The following SAV1 variants were observed in gnomAD, a reference collection of about 807,000 sequenced individuals.
SAV1 encodes the protein salvador family WW domain containing protein 1.
In SAV1, 23 loss-of-function variants were observed where a neutral mutation model predicts 47.3. The ratio of observed to expected loss-of-function variants is 0.49; its 90% CI spans 0.35 to 0.69. The LOEUF (loss-of-function observed/expected upper bound fraction) is 0.69. SAV1 is among the 30% of genes least tolerant of loss of function. The pLI is 0.01. For synonymous variants in SAV1, 155 were observed against 159.2 expected, an observed-to-expected ratio of 0.97 and a Z score of 0.20; for missense variants, 448 against 457.4, an observed-to-expected ratio of 0.98 and a Z score of 0.19.
chr14:50,659,158 C>T (rs971097660), intron 2 of SAV1, among the ~76,000 whole-genome samples: 1 of 149,188 alleles, frequency 6.7e-6, no homozygotes, highest in African/African-American at 2.5e-5. Context: ...TTAAACCTAA[C>T]GCAATCTGAT....
At chr14:50,661,654 T>C (rs1458379263) in intron 2 of SAV1, among the ~76,000 whole-genome samples, 1 of 152,248 alleles carries the variant, frequency 6.6e-6, no homozygotes, top group African/African-American at 2.4e-5. Context: ...TGCATGTGGA[T>C]ATCCAATTTT....
chr14:50,657,964 T>C (rs1309997657), intron 2 of SAV1, among the ~76,000 whole-genome samples: 1 of 152,220 alleles, frequency 6.6e-6, no homozygotes, highest in Non-Finnish European at 1.5e-5. Context: ...TTGTAGTGGC[T>C]ACAGAGAATA....
chr14:50,642,137 T>C (rs920287886), intron 3 of SAV1, among the ~76,000 whole-genome samples: 2 of 152,030 alleles, frequency 1.3e-5, no homozygotes, highest in Non-Finnish European at 2.9e-5. Flanking sequence ...TGTTGATAGG[T>C]AGGAGCTAAA....
At chr14:50,665,661 G>A (rs200625353) in intron 1 of SAV1, 42 bp from the exon 2 acceptor site, 4 of 1,495,864 alleles carry the variant, frequency 2.7e-6, no homozygotes, top group East Asian at 2.3e-5. Flanking sequence ...TCATCATTAA[G>A]TAACAAAAGT....
chr14:50,650,576 T>C (rs1453446996), intron 2 of SAV1, among the ~76,000 whole-genome samples: 1 of 152,210 alleles, frequency 6.6e-6, no homozygotes, highest in East Asian at 1.9e-4. Context: ...TAAAAGACCG[T>C]GCAGCTTCTG....
chr14:50,638,844 T>C (rs532506175), intron 4 of SAV1, among the ~76,000 whole-genome samples: 4 of 152,076 alleles, frequency 2.6e-5, no homozygotes, highest in African/African-American at 9.6e-5. Context: ...CTTGGCTCAC[T>C]GCAACCTCCG....
chr14:50,637,729 A>C (rs1353228008), intron 4 of SAV1: 1 of 138,224 alleles, frequency 7.2e-6, no homozygotes, highest in Non-Finnish European at 1.5e-5. Flanking sequence ...GCTGAAGTGC[A>C]GTGGCTAATC....
intron 3 of SAV1, 87 bp downstream of exon 3, chr14:50,644,657 G>A: frequency 8.0e-7 from 1 of 1,251,660 alleles, no homozygotes; most frequent in Non-Finnish European, 1.1e-6. Flanking sequence ...GCTTTAGGAT[G>A]CTATTCTCTT....
intron 4 of SAV1, among the ~76,000 whole-genome samples, chr14:50,636,080 A>G (rs1018323326): frequency 6.6e-6 from 1 of 152,198 alleles, no homozygotes; most frequent in African/African-American, 2.4e-5. Flanking sequence ...AAGAATACCT[A>G]TTTCTTTAAA....
chr14:50,640,905 G>C lies in SAV1; in HGVS notation c.807-12C>G. 1 of 1,588,390 alleles carries C rather than the reference G, an allele frequency of 6.3e-7. No homozygotes were observed. The highest frequency in any genetic ancestry group is 8.6e-7 in the Non-Finnish European group (1 of 1,166,580). On this transcript the variant is annotated splice_polypyrimidine_tract_variant and intron_variant, in intron 3 of 4. Coordinates refer to ENST00000324679, the MANE Select transcript of SAV1 (RefSeq NM_021818.4). ...CATACCGAGGTACACTAAGAAGAAAGGAGTGACATTCTTTAGGATAAAGGT... is the reference window on the plus strand; with the variant it reads ...CATACCGAGGTACACTAAGAAGAAACGAGTGACATTCTTTAGGATAAAGGT...
chr14:50,666,776 G>A (rs2039904521), intron 1 of SAV1, among the ~76,000 whole-genome samples: 1 of 144,758 alleles, frequency 6.9e-6, no homozygotes, highest in African/African-American at 2.6e-5. Context: ...TGAAAATCAA[G>A]TTGTTAAAAA....
chr14:50,665,014 T>C, intron 2 of SAV1, 165 bp downstream of exon 2: 1 of 848,760 alleles, frequency 1.2e-6, no homozygotes, highest in South Asian at 2.3e-5. Flanking sequence ...CCATTCAGTG[T>C]AGATTAACAA....
chr14:50,663,410 C>A lies in SAV1; in HGVS notation c.535+1769G>T, dbSNP rs556216634. ...AACAAATTATTCCTGAGGTTCAGAA[C>A]TGCATATCAGAAATAACCAAAATAA... On this transcript the variant is annotated intron_variant, in intron 2 of 4. Transcript: ENST00000324679. Among the ~76,000 whole-genome samples, 10 of 152,306 alleles carry A rather than the reference C, an allele frequency of 6.6e-5. No homozygotes were observed. The South Asian group carries it at 1.5e-3, about 22-fold the overall frequency.
Position 50,635,109 on chromosome 14 carries a change from G to T in SAV1, c.*74C>A. The T allele has an allele frequency of 9.8e-7, 1 of 1,024,248 alleles. No individual in the cohort carries two copies. The highest frequency in any genetic ancestry group is 1.5e-6 in the Non-Finnish European group (1 of 664,808). 63.4% of individuals were successfully genotyped at this position (1,024,248 alleles called of 1,614,324 possible). ...AAGGAAGCAGCATTTATTAACCAGA[G>T]TACTTGTTTGCAATTTTTTATCTGT... is the stretch of plus-strand genomic sequence containing the variant. On this transcript the variant is annotated 3_prime_UTR_variant, in exon 5 of 5. Coordinates refer to ENST00000324679, the MANE Select transcript of SAV1 (RefSeq NM_021818.4).
At chr14:50,645,363 C>A (rs1444119047) in intron 2 of SAV1, among the ~76,000 whole-genome samples, 1 of 152,096 alleles carries the variant, frequency 6.6e-6, no homozygotes, top group Admixed American at 6.5e-5. Context: ...TTGCCACAAG[C>A]AGAAAATTCC....
At chr14:50,648,830 A>T (rs2039744214) in intron 2 of SAV1, among the ~76,000 whole-genome samples, 1 of 152,048 alleles carries the variant, frequency 6.6e-6, no homozygotes, top group Non-Finnish European at 1.5e-5. Flanking sequence ...CCCGAAACTC[A>T]GTGGCTTAAA....
chr14:50,650,525 T>G (rs1005511023), intron 2 of SAV1, among the ~76,000 whole-genome samples: 1 of 152,202 alleles, frequency 6.6e-6, no homozygotes, highest in Admixed American at 6.5e-5. Flanking sequence ...ACCAATAGTT[T>G]ATGGCAGAAA....
At chr14:50,645,831 C>T (rs572353553) in intron 2 of SAV1, among the ~76,000 whole-genome samples, 1 of 152,152 alleles carries the variant, frequency 6.6e-6, no homozygotes, top group East Asian at 1.9e-4. Flanking sequence ...CTTAAGGTAG[C>T]AGGGTTAAGG....
intron 3 of SAV1, among the ~76,000 whole-genome samples, chr14:50,642,927 CAA>C (rs1354103709): frequency 1.3e-5 from 2 of 152,186 alleles, no homozygotes; most frequent in Non-Finnish European, 2.9e-5. Flanking sequence ...TTAACACTTA[CAA>C]ACTATGTAAA....
Sources: allele counts gnomAD v4.1 joint callset (sites outside exome capture counted in the v4.1 genomes callset), GRCh38; gene constraint gnomAD v4.1.1; transcripts MANE v1.5; gene names NCBI Gene and HGNC (gene_info 2026-07-23, HGNC 2026-07-21).